The following RAD51B variants were observed in gnomAD, a reference collection of about 807,000 sequenced individuals.
RAD51B encodes DNA repair protein RAD51 homolog 2.
A neutral mutation model predicts 42.2 loss-of-function variants in RAD51B; 38 were observed. That is an observed-to-expected ratio of 0.90 (90% CI 0.70 to 1.18). The LOEUF (loss-of-function observed/expected upper bound fraction) is 1.18. Among genes scored for constraint, RAD51B ranks in the 50% most tolerant of loss-of-function variants. The pLI, the probability that RAD51B is intolerant of heterozygous loss-of-function variation, is 0.00. For missense variants in RAD51B, 373 were observed against 400.7 expected (o/e 0.93, Z 0.59); for synonymous variants, 154 against 145.2 (o/e 1.06, Z -0.43).
chr14:68,007,078 C>T lies in RAD51B; in HGVS notation c.756+119874C>T, dbSNP rs1012147296. ...CCTCTAATCTATTAGTTTTCTGTCA[C>T]TGTGTATTCGTCTATTCTGGACCTT... On this transcript the variant is annotated intron_variant, in intron 7 of 10. Transcript: ENST00000471583. Among the ~76,000 whole-genome samples, 8 of 152,234 alleles carry T rather than the reference C, an allele frequency of 5.3e-5. No homozygotes were observed. In the South Asian group the frequency reaches 1.7e-3, roughly 32 times the overall value.
chr14:68,147,986 C>G (rs1157916860), intron 7 of RAD51B, among the ~76,000 whole-genome samples: 1 of 152,128 alleles, frequency 6.6e-6, no homozygotes, highest in African/African-American at 2.4e-5. Context: ...GTCTCTTACC[C>G]TTCCTTACCT....
At chr14:67,893,915 G>A (rs1000198337) in intron 7 of RAD51B, among the ~76,000 whole-genome samples, 3 of 152,084 alleles carry the variant, frequency 2.0e-5, no homozygotes, top group East Asian at 1.9e-4. Flanking sequence ...CTCCGCTTTC[G>A]AAATACATTC....
At chr14:68,110,476 G>A (rs1306758444) in intron 7 of RAD51B, among the ~76,000 whole-genome samples, 1 of 151,908 alleles carries the variant, frequency 6.6e-6, no homozygotes, top group African/African-American at 2.4e-5. Flanking sequence ...GAGCAAAGTG[G>A]CATTACTTAC....
chr14:68,136,526 T>C (rs375987512), intron 7 of RAD51B, among the ~76,000 whole-genome samples: 1 of 43,780 alleles, frequency 2.3e-5, no homozygotes, highest in African/African-American at 5.1e-5. Flanking sequence ...TGCAGTGAGC[T>C]GAGATCACAC....
At chr14:67,825,761 G>A (rs1310265657) in intron 3 of RAD51B, among the ~76,000 whole-genome samples, 184 bp downstream of exon 3, 4 of 151,714 alleles carry the variant, frequency 2.6e-5, no homozygotes, top group Non-Finnish European at 2.9e-5. Flanking sequence ...TTTTTGAGAC[G>A]CTCTGTTGCC....
chr14:68,260,118 G>A (rs563926991), intron 7 of RAD51B, among the ~76,000 whole-genome samples: 55 of 152,256 alleles, frequency 3.6e-4, no homozygotes, highest in Middle Eastern at 3.4e-3. Context: ...AGCAGAGGAG[G>A]CCTCTATGAG....
chr14:68,102,037 C>T (rs189677126), intron 7 of RAD51B, among the ~76,000 whole-genome samples: 291 of 152,334 alleles, frequency 1.9e-3, no homozygotes, highest in African/African-American at 6.3e-3. Flanking sequence ...TTGGGACTTG[C>T]ACTCTCTGAA....
At chr14:68,118,255 A>G (rs2077583879) in intron 7 of RAD51B, among the ~76,000 whole-genome samples, 2 of 152,238 alleles carry the variant, frequency 1.3e-5, no homozygotes, top group African/African-American at 4.8e-5. Flanking sequence ...CAGGAAATTA[A>G]CACCAATAAA....
chr14:68,562,988 C>T (rs1463297769), intron 10 of RAD51B: 4 of 985,328 alleles, frequency 4.1e-6, no homozygotes, highest in South Asian at 4.7e-5. Context: ...GGGCTGCTGC[C>T]GGTCCCTCCA....
intron 1 of RAD51B, among the ~76,000 whole-genome samples, chr14:67,820,682 T>C (rs547850184): frequency 4.0e-4 from 61 of 152,242 alleles, no homozygotes; most frequent in Non-Finnish European, 4.4e-4. Context: ...GAAGGTTTTG[T>C]GGAGGGAAGT....
chr14:67,873,619 C>T (rs1272797514), intron 5 of RAD51B, among the ~76,000 whole-genome samples: 2 of 151,884 alleles, frequency 1.3e-5, no homozygotes, highest in South Asian at 4.2e-4. Flanking sequence ...AATCATGCTG[C>T]TATAAAGACA....
At chr14:68,289,354 G>T (rs2081473575) in intron 7 of RAD51B, among the ~76,000 whole-genome samples, 2 of 152,198 alleles carry the variant, frequency 1.3e-5, no homozygotes, top group East Asian at 3.9e-4. Flanking sequence ...AAGCTCAAAG[G>T]TACACAGGAT....
intron 7 of RAD51B, among the ~76,000 whole-genome samples, chr14:67,985,333 G>A (rs771778616): frequency 7.9e-5 from 12 of 152,116 alleles, no homozygotes; most frequent in Non-Finnish European, 1.6e-4. Flanking sequence ...TAAGAACAAA[G>A]ACATTCCATT....
intron 7 of RAD51B, among the ~76,000 whole-genome samples, chr14:68,137,679 A>G (rs760889125): frequency 9.9e-5 from 15 of 152,218 alleles, no homozygotes; most frequent in Non-Finnish European, 2.1e-4. Flanking sequence ...AGGTATGCAC[A>G]TTTTAAAGAA....
At chr14:67,836,198 G>A (rs1406976112) in intron 4 of RAD51B, among the ~76,000 whole-genome samples, 1 of 152,150 alleles carries the variant, frequency 6.6e-6, no homozygotes, top group East Asian at 1.9e-4. Flanking sequence ...CTTGGTAGGG[G>A]CTGTAGGATC....
intron 7 of RAD51B, among the ~76,000 whole-genome samples, chr14:68,152,131 A>G (rs533055726): frequency 2.0e-4 from 30 of 152,162 alleles, no homozygotes; most frequent in African/African-American, 7.0e-4. Context: ...GGCGTGAACC[A>G]CCATGCCCAG....
chr14:68,612,076 G>GCT (rs772329309), downstream of RAD51B, among the ~76,000 whole-genome samples: 6 of 152,178 alleles, frequency 3.9e-5, no homozygotes, highest in Non-Finnish European at 7.3e-5. Context: ...TTTTAAAAGT[G>GCT]CTCTACACTG....
chr14:68,573,980 A>ATGTGTATG (rs1555427941), intron 10 of RAD51B, among the ~76,000 whole-genome samples: 2 of 149,710 alleles, frequency 1.3e-5, no homozygotes, highest in Admixed American at 1.3e-4. Context: ...CAGTGTGTGT[A>ATGTGTATG]TGTGTGTGTG....
At chr14:68,596,879 G>A (rs58457305), downstream of RAD51B, among the ~76,000 whole-genome samples, 2,878 of 152,304 alleles carry the variant, frequency 0.019, 88 homozygotes, top group African/African-American at 0.065. Flanking sequence ...AGGTGGTGGG[G>A]AGTGCAGCTG....
Sources: gnomAD v4.1 joint callset for allele counts (sites outside exome capture counted in the v4.1 genomes callset) on GRCh38, gnomAD v4.1.1 for gene constraint, MANE v1.5 for transcripts, NCBI Gene and HGNC (gene_info 2026-07-23, HGNC 2026-07-21) for gene names.